MFAP3: variants seen among roughly 807,000 people sequenced by gnomAD.
The protein encoded by MFAP3 is microfibril-associated glycoprotein 3.
A neutral mutation model predicts 20.5 loss-of-function variants in MFAP3; 8 were observed. The ratio of observed to expected loss-of-function variants is 0.39; its 90% CI spans 0.23 to 0.70. MFAP3 has a LOEUF of 0.70. Ranked by LOEUF, MFAP3 falls within the 30% of genes least tolerant of loss-of-function variation. MFAP3 has a pLI of 0.44. For missense variants in MFAP3, 398 were observed against 444.6 expected (o/e 0.90, Z 0.94); for synonymous variants, 140 against 154.0 (o/e 0.91, Z 0.67).
At chr5:154,043,723 G>A (rs1381328017) in intron 1 of MFAP3, among the ~76,000 whole-genome samples, 1 of 111,326 alleles carries the variant, frequency 9.0e-6, no homozygotes, top group African/African-American at 3.4e-5. Context: ...AAAACAGCAG[G>A]CATAATATAT....
At chr5:154,039,683 C>T (rs1004870188) in intron 1 of MFAP3, among the ~76,000 whole-genome samples, 7 of 152,168 alleles carry the variant, frequency 4.6e-5, no homozygotes, top group African/African-American at 1.7e-4. Flanking sequence ...CAGAAAGATG[C>T]AACTCTTCTG....
At position 154,053,344 on chromosome 5, in the gene MFAP3, T is replaced by C; in HGVS notation, c.720T>C (p.Pro240=). ...RYIEELARSV[P]LPPLILNCRA... Reference sequence around the variant, plus strand: ...TTGAAGAACTGGCAAGAAGTGTCCCTCTTCCACCTCTTATTCTAAACTGTC... The same window carrying C: ...TTGAAGAACTGGCAAGAAGTGTCCCCCTTCCACCTCTTATTCTAAACTGTC... Residue 240 remains proline, a synonymous_variant, in exon 3 of 3, where the codon CCT becomes CCC. Transcript: ENST00000522782. The C allele has an allele frequency of 1.2e-6, 2 of 1,614,072 alleles. No homozygotes were observed. Among genetic ancestry groups the C allele is most frequent in the Non-Finnish European group, 1.7e-6 (2 of 1,179,958 alleles).
At chr5:154,045,762 A>C (rs1773060288) in intron 1 of MFAP3, among the ~76,000 whole-genome samples, 2 of 152,224 alleles carry the variant, frequency 1.3e-5, no homozygotes, top group South Asian at 4.1e-4. Flanking sequence ...AGAGTCACAG[A>C]TCGTATTTGA....
intron 1 of MFAP3, among the ~76,000 whole-genome samples, chr5:154,046,061 G>T (rs147063623): frequency 6.6e-6 from 1 of 152,276 alleles, no homozygotes; most frequent in South Asian, 2.1e-4. Context: ...CTCGTTCTGG[G>T]TTGGGACCTG....
intron 1 of MFAP3, among the ~76,000 whole-genome samples, chr5:154,046,035 AAC>A (rs1252684402): frequency 6.6e-6 from 1 of 152,188 alleles, no homozygotes; most frequent in African/African-American, 2.4e-5. Context: ...CCAAGGCGCA[AAC>A]ACAGAGTTTC....
At chr5:154,044,990 C>T (rs79670283) in intron 1 of MFAP3, among the ~76,000 whole-genome samples, 1,712 of 151,254 alleles carry the variant, frequency 0.011, 43 homozygotes, top group African/African-American at 0.039. Context: ...TATCAGGCAC[C>T]AAAGCACCAT....
chr5:154,054,848 T>G lies in MFAP3; in HGVS notation c.*1135T>G, dbSNP rs1773290609. ...TTTATTTTTGTTTACTTCAGATACATAATTCTGAGCTATGGCTGCTTTTGT... is the reference window on the plus strand; with the variant it reads ...TTTATTTTTGTTTACTTCAGATACAGAATTCTGAGCTATGGCTGCTTTTGT... On this transcript the variant is annotated 3_prime_UTR_variant, in exon 3 of 3. Transcript: ENST00000522782. The G allele has an allele frequency of 1.2e-5, 2 of 167,104 alleles. No homozygotes were observed. Among genetic ancestry groups the G allele is most frequent in the South Asian group, 4.1e-4 (2 of 4,830 alleles). 10.4% of individuals were successfully genotyped at this position (167,104 alleles called of 1,614,324 possible).
intron 1 of MFAP3, among the ~76,000 whole-genome samples, chr5:154,048,792 C>G (rs1354701798): frequency 6.6e-6 from 1 of 152,186 alleles, no homozygotes; most frequent in Non-Finnish European, 1.5e-5. Context: ...GTCAGTTCCT[C>G]CCTTAGCTAG....
In MFAP3 at chr5:154,052,920, G is replaced by A; in HGVS notation, c.296G>A (p.Gly99Asp). ...KGQQLDGRSRGGKWLVSDNFL... is the reference protein window; with the variant it reads ...KGQQLDGRSRDGKWLVSDNFL... The stretch of plus-strand genomic sequence containing the variant: ...TTTTTCATTTCTGTTCAATTATCAG[G>A]TGGAAAGTGGTTGGTTTCTGATAAC... The change falls in exon 3 of 3, where the codon GGT becomes GAT. Residue 99 changes from glycine (G) to aspartate (D), a missense_variant and splice_region_variant. By Grantham distance (94) the Gly-to-Asp change is moderately conservative (BLOSUM62 -1). Coordinates refer to ENST00000522782, the MANE Select transcript of MFAP3 (RefSeq NM_005927.5). 1.2e-6 allele frequency: 2 copies of A among 1,607,780 alleles called. No individual in the cohort carries two copies. Among genetic ancestry groups the A allele is most frequent in the African/African-American group, 1.3e-5 (1 of 74,828 alleles).
intron 1 of MFAP3, among the ~76,000 whole-genome samples, chr5:154,045,793 C>G (rs1290929521): frequency 6.6e-6 from 1 of 152,192 alleles, no homozygotes; most frequent in African/African-American, 2.4e-5. Flanking sequence ...CTGAACCTCT[C>G]TGCTACCCTG....
At position 154,053,172 on chromosome 5, in the gene MFAP3, C is replaced by T; in HGVS notation, c.548C>T (p.Ala183Val). ...MSSHLRKTEK[A>V]INEFFRTEGA... ...AGCCATCTTCGCAAGACTGAGAAGG[C>T]TATCAATGAGTTCTTTAGAACTGAA... The change falls in exon 3 of 3, where the codon GCT becomes GTT. Residue 183 changes from alanine (A) to valine (V), a missense_variant. Physicochemically the swap from Ala to Val is moderately conservative, Grantham distance 64. Transcript: ENST00000522782. 1 of 1,613,868 alleles carries T rather than the reference C, an allele frequency of 6.2e-7. No homozygotes were observed. The highest frequency in any genetic ancestry group is 8.5e-7 in the Non-Finnish European group (1 of 1,179,898).
intron 1 of MFAP3, among the ~76,000 whole-genome samples, chr5:154,042,833 TA>T (rs59322564): frequency 0.038 from 5,728 of 148,830 alleles, 258 homozygotes; most frequent in African/African-American, 0.11. Flanking sequence ...AATTGGAGTT[TA>T]AAAAAAAAAA....
chr5:154,055,268 CAG>C lies in MFAP3; in HGVS notation c.*1556_*1557del, dbSNP rs200711990. On this transcript the variant is annotated 3_prime_UTR_variant, in exon 3 of 3. Transcript: ENST00000522782. ...CAGGATTTTAATTTAAGGTTTCAAA[CAG>C]GGGAAGACAGGAAATTCAAAGCGTG... 0.012 allele frequency among the ~76,000 whole-genome samples: 1,890 copies of C among 152,280 alleles called. 111 individuals are homozygous for C. Among genetic ancestry groups the C allele is most frequent in the Admixed American group, 0.097 (1,489 of 15,290 alleles).
chr5:154,050,196 C>A (rs1773156293), intron 2 of MFAP3, among the ~76,000 whole-genome samples, 179 bp downstream of exon 2: 1 of 151,828 alleles, frequency 6.6e-6, no homozygotes, highest in Non-Finnish European at 1.5e-5. Context: ...ATTGTTTAAC[C>A]AGAAGAAGAA....
intron 1 of MFAP3, among the ~76,000 whole-genome samples, chr5:154,041,909 A>T (rs1772962162): frequency 6.6e-6 from 1 of 152,218 alleles, no homozygotes; most frequent in Non-Finnish European, 1.5e-5. Flanking sequence ...AGTTCATCTT[A>T]TCCTCAAAAC....
At position 154,053,387 on chromosome 5, in the gene MFAP3, A is replaced by T. The variant is rs1347604931; in HGVS notation, c.763A>T (p.Met255Leu). The T allele has an allele frequency of 6.2e-7, 1 of 1,613,852 alleles. No homozygotes were observed. Residue 255 changes from methionine (M) to leucine (L), a missense_variant, in exon 3 of 3, where the codon ATG (methionine) becomes TTG (leucine). Met to Leu is a conservative substitution (Grantham distance 15). Coordinates refer to ENST00000522782, the MANE Select transcript of MFAP3 (RefSeq NM_005927.5). ...ILNCRAFVEE[M>L]FEAVRVDDPD... The stretch of plus-strand genomic sequence containing the variant: ...AAACTGTCGAGCCTTTGTTGAGGAG[A>T]TGTTTGAGGCTGTGCGAGTGGACGA...
chr5:154,049,478 C>G (rs1025604887), intron 1 of MFAP3, 79 bp from the exon 2 acceptor site: 36 of 454,084 alleles, frequency 7.9e-5, no homozygotes, highest in Non-Finnish European at 1.3e-4. Flanking sequence ...TAATTAACAT[C>G]TATTCATTCT....
intron 1 of MFAP3, among the ~76,000 whole-genome samples, chr5:154,044,499 A>G (rs899742815): frequency 5.3e-5 from 8 of 152,188 alleles, no homozygotes; most frequent in African/African-American, 1.9e-4. Context: ...TGTGTTCAGG[A>G]TGTACATGGT....
chr5:154,049,096 T>C (rs1042820588), intron 1 of MFAP3, among the ~76,000 whole-genome samples: 2 of 152,222 alleles, frequency 1.3e-5, no homozygotes, highest in Non-Finnish European at 2.9e-5. Context: ...ATGATTATGA[T>C]ATGCCAGTTG....
Sources: gnomAD v4.1 joint callset for allele counts (sites outside exome capture counted in the v4.1 genomes callset) on GRCh38, gnomAD v4.1.1 for gene constraint, MANE v1.5 for transcripts, NCBI Gene and HGNC (gene_info 2026-07-23, HGNC 2026-07-21) for gene names.